Variants in NCOA1 observed in about 807,000 individuals in gnomAD.
NCOA1 encodes Hin-2 protein.
A neutral mutation model predicts 150.9 loss-of-function variants in NCOA1; 35 were observed. The observed-to-expected ratio is 0.23, with a 90% CI of 0.18 to 0.31. NCOA1 has a LOEUF of 0.31. Among genes scored for constraint, NCOA1 ranks in the 10% least tolerant of loss-of-function variants. The pLI is 1.00. For synonymous variants in NCOA1, 590 were observed against 630.0 expected (o/e 0.94, Z 0.95); for missense variants, 1,491 against 1,749.3 (o/e 0.85, Z 2.63).
intron 14 of NCOA1, among the ~76,000 whole-genome samples, chr2:24,718,239 T>G (rs953203604): frequency 7.2e-5 from 11 of 152,142 alleles, no homozygotes; most frequent in African/African-American, 1.9e-4. Flanking sequence ...AAATGCAAAT[T>G]AAAACTACAG....
intron 11 of NCOA1, among the ~76,000 whole-genome samples, chr2:24,699,563 AG>A (rs112335074): frequency 6.6e-6 from 1 of 152,174 alleles, no homozygotes; most frequent in African/African-American, 2.4e-5. Context: ...TACTTTTTTT[AG>A]GGAAAAAAAA....
chr2:24,649,909 A>G (rs925006247), intron 4 of NCOA1, among the ~76,000 whole-genome samples: 1 of 152,222 alleles, frequency 6.6e-6, no homozygotes, highest in Non-Finnish European at 1.5e-5. Flanking sequence ...GCAAGTTACC[A>G]AATCCTTGAT....
chr2:24,765,011 G>A (rs1396051450), intron 22 of NCOA1, among the ~76,000 whole-genome samples: 1 of 151,994 alleles, frequency 6.6e-6, no homozygotes, highest in Non-Finnish European at 1.5e-5. Context: ...GAGAAACCCT[G>A]CCTAAAAATA....
At chr2:24,716,166 C>T (rs1312444694) in intron 14 of NCOA1, among the ~76,000 whole-genome samples, 1 of 139,664 alleles carries the variant, frequency 7.2e-6, no homozygotes, top group African/African-American at 2.6e-5. Flanking sequence ...AAAAAAAAAT[C>T]TGAGCAGGCA....
intron 16 of NCOA1, 144 bp downstream of exon 16, chr2:24,728,620 G>GT (rs902894983): frequency 0.029 from 14,740 of 513,814 alleles, no homozygotes; most frequent in Middle Eastern, 0.042. Flanking sequence ...AAATATATGA[G>GT]TTTTTTTTTT....
At chr2:24,630,007 C>G (rs895147134) in intron 3 of NCOA1, among the ~76,000 whole-genome samples, 8 of 151,590 alleles carry the variant, frequency 5.3e-5, no homozygotes, top group Admixed American at 5.3e-4. Context: ...TCACGCCCGG[C>G]TAATTGTTTT....
intron 1 of NCOA1, among the ~76,000 whole-genome samples, chr2:24,517,457 T>C (rs1179643697): frequency 6.6e-6 from 1 of 152,102 alleles, no homozygotes; most frequent in East Asian, 1.9e-4. Context: ...ATTTCCCTTA[T>C]CTGGAGCTGA....
intron 2 of NCOA1, among the ~76,000 whole-genome samples, chr2:24,568,051 A>G (rs968495520): frequency 6.6e-6 from 1 of 152,150 alleles, no homozygotes; most frequent in Non-Finnish European, 1.5e-5. Context: ...GCCATTTATC[A>G]ATTTCTTATA....
intron 14 of NCOA1, among the ~76,000 whole-genome samples, chr2:24,719,206 A>G (rs1284313663): frequency 6.6e-6 from 1 of 152,128 alleles, no homozygotes; most frequent in Non-Finnish European, 1.5e-5. Context: ...AAAGCCATAT[A>G]TATTCAGATT....
intron 3 of NCOA1, among the ~76,000 whole-genome samples, chr2:24,625,912 G>T (rs55906429): frequency 6.6e-6 from 1 of 152,004 alleles, no homozygotes; most frequent in Non-Finnish European, 1.5e-5. Flanking sequence ...AATTTATTTC[G>T]ACTTATCAGC....
rs186864253 is a variant in NCOA1, at chr2:24,647,855, G to A, written c.-18+3733G>A. ...ATAGTCGAAATATTTGAGAAGTACT[G>A]TACTGGGTGACAATTGCAGGGGTCC... is the stretch of plus-strand genomic sequence containing the variant. On this transcript the variant is annotated intron_variant, in intron 4 of 22. Coordinates refer to ENST00000348332, the MANE Select transcript of NCOA1 (RefSeq NM_003743.5). 7.9e-5 allele frequency among the ~76,000 whole-genome samples: 12 copies of A among 152,288 alleles called. No homozygotes were observed. In the East Asian group the frequency reaches 2.3e-3, roughly 29 times the overall value.
intron 3 of NCOA1, among the ~76,000 whole-genome samples, chr2:24,635,368 A>G (rs577220111): frequency 6.6e-6 from 1 of 152,270 alleles, no homozygotes; most frequent in African/African-American, 2.4e-5. Flanking sequence ...TTGACTGGCC[A>G]TGAGTTCGTC....
intron 3 of NCOA1, among the ~76,000 whole-genome samples, chr2:24,604,932 ACT>A (rs1382476026): frequency 6.6e-6 from 1 of 152,092 alleles, no homozygotes; most frequent in Non-Finnish European, 1.5e-5. Flanking sequence ...GAGACATGTG[ACT>A]CTTTCACTTG....
chr2:24,545,670 A>C (rs1184348581), intron 1 of NCOA1, among the ~76,000 whole-genome samples: 1 of 152,238 alleles, frequency 6.6e-6, no homozygotes, highest in Non-Finnish European at 1.5e-5. Flanking sequence ...ATATAGCATT[A>C]AAGAATGTTG....
intron 14 of NCOA1, among the ~76,000 whole-genome samples, chr2:24,718,767 G>A (rs1449931257): frequency 6.6e-6 from 1 of 151,034 alleles, no homozygotes; most frequent in Non-Finnish European, 1.5e-5. Context: ...TACTCAGGAG[G>A]CTGAGGCAGG....
At chr2:24,747,768 G>A (rs1664009294) in intron 19 of NCOA1, among the ~76,000 whole-genome samples, 1 of 152,024 alleles carries the variant, frequency 6.6e-6, no homozygotes, top group African/African-American at 2.4e-5. Context: ...TGAAGATGGT[G>A]GCAAAACAAA....
chr2:24,605,478 CAGTT>C (rs1466554932), intron 3 of NCOA1, among the ~76,000 whole-genome samples: 3 of 152,210 alleles, frequency 2.0e-5, no homozygotes, highest in East Asian at 3.9e-4. Context: ...GGGTATGTGA[CAGTT>C]TGTTCTATTG....
intron 4 of NCOA1, among the ~76,000 whole-genome samples, chr2:24,654,759 C>T (rs1670854658): frequency 6.6e-6 from 1 of 151,976 alleles, no homozygotes; most frequent in Non-Finnish European, 1.5e-5. Context: ...ACTCCCCCAT[C>T]CCCCAGGTTC....
At chr2:24,549,072 G>A (rs1385428853) in intron 1 of NCOA1, among the ~76,000 whole-genome samples, 1 of 152,120 alleles carries the variant, frequency 6.6e-6, no homozygotes, top group African/African-American at 2.4e-5. Context: ...TTCTCTATGA[G>A]AGCCCCGCCC....
Sources: allele counts gnomAD v4.1 joint callset (sites outside exome capture counted in the v4.1 genomes callset), GRCh38; gene constraint gnomAD v4.1.1; transcripts MANE v1.5; gene names NCBI Gene and HGNC (gene_info 2026-07-23, HGNC 2026-07-21).